LRP1B: variants seen among roughly 807,000 people sequenced by gnomAD.
The protein encoded by LRP1B is LDL receptor related protein 1B, also known as low-density lipoprotein receptor-related protein 1B.
Under a neutral mutation model 556.6 loss-of-function variants are expected in LRP1B, and 217 were observed. That is an observed-to-expected ratio of 0.39 (90% confidence interval 0.35 to 0.44). The LOEUF is 0.44. LRP1B is among the 20% of genes least tolerant of loss of function. LRP1B has a pLI of 1.00. For missense variants in LRP1B, 5,053 were observed against 5,620.8 expected (o/e 0.90, Z 3.23); for synonymous variants, 2,047 against 1,865.8 (o/e 1.10, Z -2.50).
chr2:141,776,611 G>A (rs1278085983), intron 2 of LRP1B, among the ~76,000 whole-genome samples: 1 of 152,170 alleles, frequency 6.6e-6, no homozygotes, highest in Non-Finnish European at 1.5e-5. Flanking sequence ...TTGCCATAGT[G>A]ATGATGGCTT....
chr2:141,190,728 A>T (rs904246839), intron 6 of LRP1B, among the ~76,000 whole-genome samples: 1 of 151,944 alleles, frequency 6.6e-6, no homozygotes. Flanking sequence ...AACTTTTGAA[A>T]ATTATACTTT....
At chr2:141,572,246 T>C (rs1686555500) in intron 2 of LRP1B, among the ~76,000 whole-genome samples, 1 of 152,144 alleles carries the variant, frequency 6.6e-6, no homozygotes, top group Non-Finnish European at 1.5e-5. Context: ...GCAGAAACTC[T>C]ACAAGCCAGA....
chr2:142,125,138 T>C (rs953154317), intron 1 of LRP1B, among the ~76,000 whole-genome samples: 2 of 151,740 alleles, frequency 1.3e-5, no homozygotes, highest in Non-Finnish European at 3.0e-5. Context: ...GGCCTTGTAA[T>C]TATGCCAGGG....
At chr2:141,801,384 GT>G (rs952737193) in intron 2 of LRP1B, among the ~76,000 whole-genome samples, 3 of 152,046 alleles carry the variant, frequency 2.0e-5, no homozygotes, top group African/African-American at 7.2e-5. Flanking sequence ...GAGTTCTTGG[GT>G]TCAAGTAATC....
chr2:141,086,743 C>G (rs1302085283), intron 7 of LRP1B, among the ~76,000 whole-genome samples: 1 of 151,930 alleles, frequency 6.6e-6, no homozygotes, highest in Non-Finnish European at 1.5e-5. Flanking sequence ...CTCAGTGGTC[C>G]TGCAAGGGAA....
intron 3 of LRP1B, among the ~76,000 whole-genome samples, chr2:141,268,450 T>C (rs1295972747): frequency 1.3e-5 from 2 of 152,082 alleles, no homozygotes; most frequent in Non-Finnish European, 2.9e-5. Context: ...GCAGCTATAT[T>C]CCAACCACAA....
In LRP1B at chr2:140,767,825, C is replaced by T. The variant is rs536515294; in HGVS notation, c.5758+1388G>A. On this transcript the variant is annotated intron_variant, in intron 35 of 90. Transcript: ENST00000389484. ...AATTGAATATATGCTCCAGCTAAAG[C>T]AAAGGACTATGTACCTAGTAAAAAT... Among the ~76,000 whole-genome samples, 4 of 151,740 alleles carry T rather than the reference C, an allele frequency of 2.6e-5. No individual in the cohort carries two copies. The South Asian group carries it at 8.3e-4, about 31-fold the overall frequency.
intron 33 of LRP1B, among the ~76,000 whole-genome samples, chr2:140,774,968 C>G (rs1689441036): frequency 6.6e-6 from 1 of 152,088 alleles, no homozygotes; most frequent in Non-Finnish European, 1.5e-5. Flanking sequence ...CACATACGTT[C>G]TGTATATGTG....
chr2:141,774,891 A>G (rs908680842), intron 2 of LRP1B, among the ~76,000 whole-genome samples: 2 of 152,210 alleles, frequency 1.3e-5, no homozygotes, highest in African/African-American at 2.4e-5. Flanking sequence ...ACTCAAGTAC[A>G]TTGATTCTCT....
chr2:140,473,982 C>A (rs1687867561), intron 60 of LRP1B, among the ~76,000 whole-genome samples: 1 of 151,824 alleles, frequency 6.6e-6, no homozygotes, highest in African/African-American at 2.4e-5. Context: ...CTTTAAATAA[C>A]TTTTCACTTA....
At chr2:141,357,037 T>G (rs894714143) in intron 3 of LRP1B, among the ~76,000 whole-genome samples, 4 of 151,768 alleles carry the variant, frequency 2.6e-5, no homozygotes, top group Non-Finnish European at 2.9e-5. Context: ...TTTTTTATTT[T>G]ATTTTATTTT....
At chr2:140,759,538 C>T (rs1688847232) in intron 35 of LRP1B, among the ~76,000 whole-genome samples, 1 of 152,166 alleles carries the variant, frequency 6.6e-6, no homozygotes, top group South Asian at 2.1e-4. Context: ...AATTCACTGA[C>T]ACATTGAGTT....
chr2:140,784,258 T>C (rs1455879669), intron 32 of LRP1B, among the ~76,000 whole-genome samples: 3 of 152,022 alleles, frequency 2.0e-5, no homozygotes, highest in Admixed American at 6.6e-5. Flanking sequence ...ACCCTGACTT[T>C]TGGGGAGGCT....
At chr2:142,125,620 A>C (rs1030377537) in intron 1 of LRP1B, among the ~76,000 whole-genome samples, 2 of 151,846 alleles carry the variant, frequency 1.3e-5, no homozygotes, top group Non-Finnish European at 3.0e-5. Flanking sequence ...CCAAAATAAA[A>C]TAACTGGAGA....
chr2:140,250,878 T>C (rs1681382335), intron 86 of LRP1B, among the ~76,000 whole-genome samples: 1 of 151,804 alleles, frequency 6.6e-6, no homozygotes, highest in Admixed American at 6.6e-5. Context: ...TTCAATGTCT[T>C]ATTGTGAGGA....
chr2:140,358,973 A>G, intron 72 of LRP1B, 27 bp from the exon 73 acceptor site: 1 of 1,599,452 alleles, frequency 6.3e-7, no homozygotes, highest in South Asian at 1.1e-5. Context: ...AAAAACAAAG[A>G]AGCTCCTTCG....
At chr2:141,532,489 C>T (rs1292214079) in intron 2 of LRP1B, among the ~76,000 whole-genome samples, 1 of 149,944 alleles carries the variant, frequency 6.7e-6, no homozygotes, top group Non-Finnish European at 1.5e-5. Flanking sequence ...ATTATAACGA[C>T]TCACTCAAAG....
At chr2:141,715,341 T>C (rs1450389236) in intron 2 of LRP1B, among the ~76,000 whole-genome samples, 9 of 152,012 alleles carry the variant, frequency 5.9e-5, no homozygotes, top group Admixed American at 5.9e-4. Context: ...TGTGGGGGTA[T>C]GTGCCTGTTG....
chr2:141,394,804 T>A (rs1690180799), intron 3 of LRP1B, among the ~76,000 whole-genome samples: 1 of 152,098 alleles, frequency 6.6e-6, no homozygotes, highest in Non-Finnish European at 1.5e-5. Flanking sequence ...CTTCCTAGTG[T>A]TTTAGAATAA....
Sources: gnomAD v4.1 joint callset for allele counts (sites outside exome capture counted in the v4.1 genomes callset) on GRCh38, gnomAD v4.1.1 for gene constraint, MANE v1.5 for transcripts, NCBI Gene and HGNC (gene_info 2026-07-23, HGNC 2026-07-21) for gene names.